DCLK1: variants seen among roughly 807,000 people sequenced by gnomAD.
DCLK1 encodes the protein doublecortin like kinase 1.
Under a neutral mutation model 86.2 loss-of-function variants are expected in DCLK1, and 16 were observed. That is an observed-to-expected ratio of 0.19 (90% CI 0.13 to 0.28). The LOEUF is 0.28. Ranked by LOEUF, DCLK1 falls within the 10% of genes least tolerant of loss-of-function variation. DCLK1 has a pLI of 1.00. For synonymous variants in DCLK1, 369 were observed against 370.5 expected (o/e 1.00, Z 0.05); for missense variants, 590 against 940.2 (o/e 0.63, Z 4.87).
intron 3 of DCLK1, among the ~76,000 whole-genome samples, chr13:35,995,639 C>G (rs970584947): frequency 1.3e-5 from 2 of 152,098 alleles, no homozygotes; most frequent in Non-Finnish European, 2.9e-5. Context: ...CACCTCTTCC[C>G]AACTCATTAG....
intron 3 of DCLK1, among the ~76,000 whole-genome samples, chr13:35,973,199 A>G (rs1237240999): frequency 1.3e-5 from 2 of 152,220 alleles, no homozygotes; most frequent in African/African-American, 4.8e-5. Context: ...GTGGGGGTCC[A>G]GTGGAACCCC....
intron 2 of DCLK1, among the ~76,000 whole-genome samples, chr13:36,114,974 A>G: frequency 6.6e-6 from 1 of 152,148 alleles, no homozygotes; most frequent in Admixed American, 6.5e-5. Flanking sequence ...TCAAGTATTG[A>G]CATGAGGTAT....
intron 15 of DCLK1, among the ~76,000 whole-genome samples, chr13:35,799,997 A>C (rs1430303709): frequency 2.0e-5 from 3 of 152,366 alleles, no homozygotes; most frequent in African/African-American, 7.2e-5. Context: ...TAACTACATT[A>C]AACAAAGTAG....
chr13:35,807,840 A>C (rs1486356135), intron 14 of DCLK1, among the ~76,000 whole-genome samples: 1 of 152,234 alleles, frequency 6.6e-6, no homozygotes, highest in East Asian at 1.9e-4. Flanking sequence ...AATTGGAACC[A>C]GGATGGTCTG....
At chr13:36,106,082 T>C (rs1261924852) in intron 3 of DCLK1, among the ~76,000 whole-genome samples, 3 of 152,198 alleles carry the variant, frequency 2.0e-5, no homozygotes, top group Admixed American at 2.0e-4. Context: ...TTAGAATTCA[T>C]TTTACAGCGA....
At chr13:35,849,607 A>T in intron 6 of DCLK1, 1 of 978,386 alleles carries the variant, frequency 1.0e-6, no homozygotes, top group Non-Finnish European at 1.2e-6. Flanking sequence ...GACGACTATA[A>T]TTTTTAAAAT....
At chr13:36,106,530 G>C (rs570770164) in intron 3 of DCLK1, among the ~76,000 whole-genome samples, 2 of 152,102 alleles carry the variant, frequency 1.3e-5, no homozygotes, top group East Asian at 1.9e-4. Context: ...TACTCCAATC[G>C]CAAACAAAAC....
intron 4 of DCLK1, among the ~76,000 whole-genome samples, chr13:35,893,007 T>C (rs564043248): frequency 2.0e-5 from 3 of 152,230 alleles, no homozygotes; most frequent in South Asian, 2.1e-4. Context: ...CACAAATTGA[T>C]TTGTTTTCAG....
chr13:36,072,247 T>G (rs1246303229), intron 3 of DCLK1, among the ~76,000 whole-genome samples: 1 of 152,224 alleles, frequency 6.6e-6, no homozygotes, highest in Non-Finnish European at 1.5e-5. Flanking sequence ...ATTAGCAGTG[T>G]ATGCACAAGT....
chr13:36,001,348 C>T (rs994457026), intron 3 of DCLK1, among the ~76,000 whole-genome samples: 1 of 152,210 alleles, frequency 6.6e-6, no homozygotes, highest in African/African-American at 2.4e-5. Flanking sequence ...ATAATTCTTT[C>T]AGCAACATCA....
intron 5 of DCLK1, among the ~76,000 whole-genome samples, chr13:35,865,102 T>C (rs1871695494): frequency 6.6e-6 from 1 of 152,218 alleles, no homozygotes; most frequent in Non-Finnish European, 1.5e-5. Flanking sequence ...TCAGTCTTTA[T>C]TAAAACCAAA....
chr13:35,887,878 C>CAAAAAAAAAAAAAAAAAAAAAAAA (rs760195385), intron 4 of DCLK1, among the ~76,000 whole-genome samples: 1 of 38,738 alleles, frequency 2.6e-5, no homozygotes, highest in Non-Finnish European at 4.9e-5. Context: ...GATCTTGTCT[C>CAAAAAAAAAAAAAAAAAAAAAAAA]AAAAAAAAAA....
intron 10 of DCLK1, among the ~76,000 whole-genome samples, chr13:35,824,242 T>C (rs1011400639): frequency 6.6e-6 from 1 of 152,196 alleles, no homozygotes; most frequent in African/African-American, 2.4e-5. Flanking sequence ...AGTAGCACAA[T>C]CATGGCTCAC....
At chr13:35,836,617 G>T (rs1286090429) in intron 7 of DCLK1, among the ~76,000 whole-genome samples, 3 of 152,150 alleles carry the variant, frequency 2.0e-5, no homozygotes, top group Non-Finnish European at 2.9e-5. Flanking sequence ...TCCTGAAATG[G>T]AAATCTCCGT....
chr13:35,885,702 C>T (rs1447381335), intron 4 of DCLK1, among the ~76,000 whole-genome samples: 1 of 152,146 alleles, frequency 6.6e-6, no homozygotes, highest in Non-Finnish European at 1.5e-5. Flanking sequence ...TTAAATTAGG[C>T]ATACCCTAAA....
intron 16 of DCLK1, among the ~76,000 whole-genome samples, chr13:35,775,336 G>A (rs185370110): frequency 2.2e-4 from 33 of 152,240 alleles, no homozygotes; most frequent in African/African-American, 7.0e-4. Context: ...ACCTTCCCAC[G>A]GATTTCACTT....
At position 35,867,965 on chromosome 13, in the gene DCLK1, G is replaced by GAAAGAA. The variant is rs1380990336; in HGVS notation, c.940+3258_940+3259insTTCTTT. On this transcript the variant is annotated intron_variant, in intron 5 of 16. Transcript: ENST00000360631. The stretch of plus-strand genomic sequence containing the variant: ...AGAAAGAAAGAAAGAAAGAAAGAAA[G>GAAAGAA]AGAAAAAGAAAGACCCTAAACCCTG... Among the ~76,000 whole-genome samples, 13 of 142,914 alleles carry GAAAGAA rather than the reference G, an allele frequency of 9.1e-5. 1 individual carries two copies. The highest frequency in any genetic ancestry group is 3.2e-4 in the African/African-American group (12 of 37,758). The allele number at this position is 142,914 out of a possible 152,430, so 93.8% of individuals were successfully genotyped here. A position where few individuals can be genotyped will look rare whatever the true frequency, so the allele number is the denominator to read the frequency against.
intron 3 of DCLK1, among the ~76,000 whole-genome samples, chr13:36,022,526 C>T (rs952167720): frequency 6.6e-6 from 1 of 151,240 alleles, no homozygotes; most frequent in Non-Finnish European, 1.5e-5. Context: ...GAAAAAAAAA[C>T]TTATTGAGAA....
Position 35,982,409 on chromosome 13 carries a change from G to GGAGGGA in DCLK1, c.724-34953_724-34952insTCCCTC, listed in dbSNP as rs1555354555. Reference sequence around the variant, plus strand: ...AGAAAGAAAAGAAAAGAAAAGAAAGGGAGAGAGAGAGAGAGAGAGAGAGGG... The same window carrying GGAGGGA: ...AGAAAGAAAAGAAAAGAAAAGAAAGGGAGGGAGAGAGAGAGAGAGAGAGAGAGAGGG... On this transcript the variant is annotated intron_variant, in intron 3 of 16. Coordinates refer to ENST00000360631, the MANE Select transcript of DCLK1 (RefSeq NM_001330071.2). 3.8e-4 allele frequency among the ~76,000 whole-genome samples: 28 copies of GGAGGGA among 74,310 alleles called. 2 individuals are homozygous for GGAGGGA. In the East Asian group the frequency reaches 0.012, roughly 32 times the overall value. 48.8% of individuals were successfully genotyped at this position (74,310 alleles called of 152,430 possible).
Sources: gnomAD v4.1 joint callset for allele counts (sites outside exome capture counted in the v4.1 genomes callset) on GRCh38, gnomAD v4.1.1 for gene constraint, MANE v1.5 for transcripts, NCBI Gene and HGNC (gene_info 2026-07-23, HGNC 2026-07-21) for gene names.